The following DIS3 variants were observed in gnomAD, a reference collection of about 807,000 sequenced individuals.
DIS3 encodes the protein exosome complex exonuclease RRP44.
In DIS3, 103 loss-of-function variants were observed where a neutral mutation model predicts 113.0. The observed-to-expected ratio is 0.91, with a 90% CI of 0.78 to 1.07. The LOEUF (loss-of-function observed/expected upper bound fraction) is 1.07, where lower values mean the gene tolerates loss of function less well. Among genes scored for constraint, DIS3 ranks in the 50% least tolerant of loss-of-function variants. The pLI is 0.00. For synonymous variants in DIS3, 402 were observed against 394.3 expected (o/e 1.02, Z -0.23); for missense variants, 1,121 against 1,167.1 (o/e 0.96, Z 0.58).
intron 6 of DIS3, among the ~76,000 whole-genome samples, chr13:72,774,400 G>T (rs2033958644): frequency 1.3e-5 from 2 of 152,066 alleles, no homozygotes. Context: ...ATTAGATTAG[G>T]GTTTTAGTAC....
intron 12 of DIS3, 23 bp downstream of exon 12, chr13:72,771,058 G>GA (rs757206190): frequency 2.5e-5 from 41 of 1,608,522 alleles, no homozygotes; most frequent in East Asian, 4.5e-5. Flanking sequence ...TGTCTTCAAG[G>GA]AAAAAAAACC....
chr13:72,761,836 A>G lies in DIS3; in HGVS notation c.2343-22T>C, dbSNP rs748643930. The G allele has an allele frequency of 1.9e-6, 3 of 1,609,706 alleles. No individual in the cohort carries two copies. In the Admixed American group the frequency reaches 5.1e-5, roughly 27 times the overall value. ...GTATCTAGATAGATGGAAAAATAAG[A>G]ACCATGGTATGTCAGTACTAATATG... On this transcript the variant is annotated intron_variant, in intron 17 of 20. Transcript: ENST00000377767.
Position 72,775,139 on chromosome 13 carries a change from T to C in DIS3, c.987+72A>G, listed in dbSNP as rs2033977091. The C allele has an allele frequency of 5.6e-6, 8 of 1,429,488 alleles. No homozygotes were observed. In the South Asian group the frequency reaches 1.1e-4, roughly 20 times the overall value. The allele number at this position is 1,429,488 out of a possible 1,614,324, so 88.6% of individuals were successfully genotyped here. On this transcript the variant is annotated intron_variant, in intron 6 of 20. Transcript: ENST00000377767. The stretch of plus-strand genomic sequence containing the variant: ...GCAATAAATCTGAAAGCAATGAAAC[T>C]TGTTTTCCAAAGCTGACATATTAAT...
chr13:72,753,832 AAT>A lies in DIS3; in HGVS notation c.*5961_*5962del. 1 of 1,604,466 alleles carries A rather than the reference AAT, an allele frequency of 6.2e-7. No individual in the cohort carries two copies. Among genetic ancestry groups the A allele is most frequent in the Non-Finnish European group, 8.5e-7 (1 of 1,172,134 alleles). ...GCATTTAATATGAAGGTACGGAGAA[AAT>A]ATAGTGAAAGCTTAATATTGTTTAG... On this transcript the variant is annotated 3_prime_UTR_variant, in exon 21 of 21. Coordinates refer to ENST00000377767, the MANE Select transcript of DIS3 (RefSeq NM_014953.5).
rs553844519 is a variant in DIS3, at chr13:72,753,825, C to T, written c.*5970G>A. On this transcript the variant is annotated 3_prime_UTR_variant, in exon 21 of 21. Transcript: ENST00000377767. ...ATCTCAAGCATTTAATATGAAGGTA[C>T]GGAGAAAATATAGTGAAAGCTTAAT... is the stretch of plus-strand genomic sequence containing the variant. The T allele has an allele frequency of 6.5e-5, 105 of 1,608,878 alleles. No homozygotes were observed. Among genetic ancestry groups the T allele is most frequent in the Admixed American group, 2.7e-4 (16 of 59,830 alleles).
At position 72,771,881 on chromosome 13, in the gene DIS3, C is replaced by A. The variant is rs1223637539; in HGVS notation, c.1519G>T (p.Ala507Ser). The A allele has an allele frequency of 1.2e-6, 2 of 1,613,482 alleles. No homozygotes were observed. Among genetic ancestry groups the A allele is most frequent in the East Asian group, 2.2e-5 (1 of 44,830 alleles). ...NGNLEVGVHI[A>S]DVSHFIRPGN... Reference sequence around the variant, plus strand: ...GGCCTAATAAAATGGCTCACATCAGCAATATGAACACCAACCTTAAAAAGA... The same window carrying A: ...GGCCTAATAAAATGGCTCACATCAGAAATATGAACACCAACCTTAAAAAGA... The change falls in exon 11 of 21, where the codon GCT (alanine) becomes TCT (serine). Residue 507 changes from alanine (A) to serine (S), a missense_variant. By Grantham distance (99) the Ala-to-Ser change is moderately conservative. Transcript: ENST00000377767.
intron 3 of DIS3, among the ~76,000 whole-genome samples, chr13:72,777,802 G>C (rs2034053914): frequency 1.3e-5 from 2 of 151,240 alleles, no homozygotes; most frequent in African/African-American, 4.9e-5. Flanking sequence ...GCCCAGGCTG[G>C]TCCTGAACTC....
chr13:72,762,101 C>G lies in DIS3; in HGVS notation c.2164G>C (p.Ala722Pro). 1 of 1,613,912 alleles carries G rather than the reference C, an allele frequency of 6.2e-7. No individual in the cohort carries two copies. Among genetic ancestry groups the G allele is most frequent in the South Asian group, 1.1e-5 (1 of 91,078 alleles). Residue 722 changes from alanine (A) to proline (P), a missense_variant, in exon 17 of 21, where the codon GCT becomes CCT. This residue lies in a region of DIS3 where 861 missense variants were observed against 915.5 expected (regional missense o/e 0.94). Transcript: ENST00000377767. ...EIKTDTAKSL[A>P]ESLDQAESPT... ...GATTCGGCCTGATCCAAAGACTCAG[C>G]CAAAGACTTGGCTGTATCAGTCTTA...
chr13:72,761,647 T>TG lies in DIS3; in HGVS notation c.2509dup (p.Gln837ProfsTer12). 6.3e-7 allele frequency: 1 copy of TG among 1,587,826 alleles called. No homozygotes were observed. The highest frequency in any genetic ancestry group is 1.2e-5 in the South Asian group (1 of 84,320). ...GCAGTATCGACAAAAGGCAAATACCTGGGTATGAAAAGCCACTGATGCACG... is the reference window on the plus strand; with the variant it reads ...GCAGTATCGACAAAAGGCAAATACCTGGGGTATGAAAAGCCACTGATGCACG... On this transcript the variant is annotated frameshift_variant and splice_region_variant, in exon 18 of 21. Transcript: ENST00000377767. LOFTEE classifies it high-confidence loss of function.
chr13:72,771,933 T>C (rs2033895488), intron 10 of DIS3, 37 bp from the exon 11 acceptor site: 12 of 1,591,374 alleles, frequency 7.5e-6, no homozygotes, highest in African/African-American at 1.3e-5. Flanking sequence ...TCAATATGCT[T>C]GACTGGGTAA....
At chr13:72,763,164 G>A (rs1161854193) in intron 16 of DIS3, among the ~76,000 whole-genome samples, 1 of 152,074 alleles carries the variant, frequency 6.6e-6, no homozygotes, top group Non-Finnish European at 1.5e-5. Context: ...AGCCACTCAT[G>A]GTGGTGTGCG....
At position 72,755,838 on chromosome 13, in the gene DIS3, G is replaced by A. The variant is rs2033449279; in HGVS notation, c.*3957C>T. The A allele has an allele frequency of 2.5e-6, 1 of 398,410 alleles. No homozygotes were observed. Among genetic ancestry groups the A allele is most frequent in the South Asian group, 1.3e-4 (1 of 7,854 alleles). The allele number at this position is 398,410 out of a possible 1,614,324, so 24.7% of individuals were successfully genotyped here. A position where few individuals can be genotyped will look rare whatever the true frequency, so the allele number is the denominator to read the frequency against. ...TACTAGTGACATCATCACGTGTATT[G>A]TTATCTATGGGGCAAATGTGTGGTG... On this transcript the variant is annotated 3_prime_UTR_variant, in exon 21 of 21. Coordinates refer to ENST00000377767, the MANE Select transcript of DIS3 (RefSeq NM_014953.5).
intron 2 of DIS3, among the ~76,000 whole-genome samples, 176 bp downstream of exon 2, chr13:72,780,670 G>A (rs893638474): frequency 6.6e-6 from 1 of 152,132 alleles, no homozygotes; most frequent in Non-Finnish European, 1.5e-5. Context: ...ATCAATGCCT[G>A]TGTGACCTTA....
intron 16 of DIS3, among the ~76,000 whole-genome samples, chr13:72,762,544 T>C (rs1429264447): frequency 6.6e-6 from 1 of 152,140 alleles, no homozygotes; most frequent in Non-Finnish European, 1.5e-5. Context: ...CAGAAACCAA[T>C]GCCATCATGA....
intron 1 of DIS3, chr13:72,781,364 A>G: frequency 6.4e-7 from 1 of 1,550,906 alleles, no homozygotes; most frequent in Non-Finnish European, 8.7e-7. Context: ...AATCTAAGGC[A>G]GAAGAGACAC....
intron 20 of DIS3, 82 bp from the exon 21 acceptor site, chr13:72,759,960 C>A (rs2033585369): frequency 1.8e-6 from 2 of 1,118,584 alleles, no homozygotes; most frequent in Non-Finnish European, 2.6e-6. Context: ...TCCCCACTGC[C>A]AGCTTCAAAT....
At chr13:72,774,976 T>C (rs2033973519) in intron 6 of DIS3, among the ~76,000 whole-genome samples, 1 of 152,160 alleles carries the variant, frequency 6.6e-6, no homozygotes, top group African/African-American at 2.4e-5. Context: ...GTTTCATACT[T>C]GTATTAACTC....
intron 1 of DIS3, chr13:72,781,266 G>C: frequency 6.4e-7 from 1 of 1,551,082 alleles, no homozygotes; most frequent in Non-Finnish European, 8.7e-7. Context: ...GGCCCACATA[G>C]TTTTTTGTTC....
At chr13:72,781,361 G>A (rs941410269) in intron 1 of DIS3, 1 of 1,550,970 alleles carries the variant, frequency 6.4e-7, no homozygotes, top group Middle Eastern at 1.7e-4. Flanking sequence ...TACAATCTAA[G>A]GCAGAAGAGA....
Sources: gnomAD v4.1 joint callset for allele counts (sites outside exome capture counted in the v4.1 genomes callset) on GRCh38, gnomAD v4.1.1 for gene constraint, gnomAD v4.1.1 regional missense constraint, MANE v1.5 for transcripts, NCBI Gene and HGNC (gene_info 2026-07-23, HGNC 2026-07-21) for gene names.